The following KCNH5 variants were observed in gnomAD, a reference collection of about 807,000 sequenced individuals.
The protein encoded by KCNH5 is potassium voltage-gated channel subfamily H member 5.
KCNH5 carries 46 observed loss-of-function variants against 96.1 expected under a neutral mutation model. The observed-to-expected ratio is 0.48, with a 90% confidence interval of 0.38 to 0.61. The LOEUF (loss-of-function observed/expected upper bound fraction) is 0.61. KCNH5 is among the 20% of genes least tolerant of loss of function. The probability of loss-of-function intolerance (pLI) is 0.00; values close to 1 mark genes in which losing one functional copy is unlikely to be tolerated. For synonymous variants in KCNH5, 439 were observed against 449.8 expected (o/e 0.98, Z 0.30); for missense variants, 907 against 1,225.8 (o/e 0.74, Z 3.88).
intron 7 of KCNH5, among the ~76,000 whole-genome samples, chr14:62,914,952 T>A (rs1889245850): frequency 6.6e-6 from 1 of 152,232 alleles, no homozygotes; most frequent in Non-Finnish European, 1.5e-5. Context: ...GATTTTACGT[T>A]CCTTGAAGAA....
At chr14:63,040,006 T>C (rs1426546125) in intron 1 of KCNH5, among the ~76,000 whole-genome samples, 1 of 152,076 alleles carries the variant, frequency 6.6e-6, no homozygotes, top group African/African-American at 2.4e-5. Context: ...TACAGTACTT[T>C]GGTGAACAGC....
intron 1 of KCNH5, among the ~76,000 whole-genome samples, chr14:63,040,126 T>C (rs1891795043): frequency 6.6e-6 from 1 of 152,044 alleles, no homozygotes; most frequent in African/African-American, 2.4e-5. Context: ...CTGACTAAAC[T>C]AAAGGGCTTC....
intron 6 of KCNH5, among the ~76,000 whole-genome samples, chr14:62,956,121 A>G (rs1189264103): frequency 4.6e-5 from 7 of 152,242 alleles, no homozygotes; most frequent in East Asian, 1.9e-4. Flanking sequence ...CAGGCCTCCA[A>G]TGCCCGCAAT....
At chr14:62,949,796 ATC>A (rs1452782258) in intron 7 of KCNH5, 1 of 216,140 alleles carries the variant, frequency 4.6e-6, no homozygotes, top group Non-Finnish European at 9.0e-6. Context: ...ATCAGATCCT[ATC>A]TCTTTTTTTT....
chr14:63,003,750 G>T (rs1484366799), intron 3 of KCNH5, among the ~76,000 whole-genome samples: 1 of 138,380 alleles, frequency 7.2e-6, no homozygotes, highest in Non-Finnish European at 1.5e-5. Flanking sequence ...CTCCTGAGTA[G>T]CTGGGACTAC....
chr14:62,983,394 G>A (rs548416586), intron 5 of KCNH5, among the ~76,000 whole-genome samples: 3 of 151,314 alleles, frequency 2.0e-5, no homozygotes, highest in African/African-American at 7.3e-5. Context: ...AAAAAAAAGT[G>A]TGTATGTATA....
At chr14:63,012,727 A>G (rs1372515482) in intron 2 of KCNH5, among the ~76,000 whole-genome samples, 1 of 152,028 alleles carries the variant, frequency 6.6e-6, no homozygotes, top group Non-Finnish European at 1.5e-5. Context: ...CAACAATCAG[A>G]CATGATGAAT....
intron 10 of KCNH5, among the ~76,000 whole-genome samples, chr14:62,735,228 A>G (rs1333728911): frequency 6.6e-6 from 1 of 152,166 alleles, no homozygotes; most frequent in Non-Finnish European, 1.5e-5. Flanking sequence ...GATATAATCA[A>G]ACCAATGTTG....
chr14:62,708,791 AATACACACATAC>A (rs1418031508), intron 10 of KCNH5, among the ~76,000 whole-genome samples: 1 of 152,136 alleles, frequency 6.6e-6, no homozygotes, highest in Admixed American at 6.5e-5. Flanking sequence ...GTTAGTAGGA[AATACACACATAC>A]ATACACACAT....
At chr14:62,842,487 T>G (rs1234409613) in intron 8 of KCNH5, among the ~76,000 whole-genome samples, 1 of 152,276 alleles carries the variant, frequency 6.6e-6, no homozygotes, top group African/African-American at 2.4e-5. Context: ...TTAAGTTCTC[T>G]GATTACGTTT....
chr14:62,860,130 A>G (rs1215608704), intron 7 of KCNH5, among the ~76,000 whole-genome samples: 3 of 152,174 alleles, frequency 2.0e-5, no homozygotes, highest in African/African-American at 7.2e-5. Context: ...TTGATTACCC[A>G]TAGTCAAATG....
At chr14:62,838,347 T>C (rs1887506363) in intron 8 of KCNH5, among the ~76,000 whole-genome samples, 1 of 152,124 alleles carries the variant, frequency 6.6e-6, no homozygotes, top group African/African-American at 2.4e-5. Context: ...AATCCTTTGG[T>C]TTTCATGCTG....
At chr14:62,800,204 A>C (rs1886632541) in intron 9 of KCNH5, among the ~76,000 whole-genome samples, 1 of 152,112 alleles carries the variant, frequency 6.6e-6, no homozygotes, top group Non-Finnish European at 1.5e-5. Context: ...TTGACTCATT[A>C]AGCACAAGAT....
intron 10 of KCNH5, among the ~76,000 whole-genome samples, chr14:62,724,684 A>C (rs191677114): frequency 1.2e-3 from 180 of 152,332 alleles, no homozygotes; most frequent in Non-Finnish European, 2.0e-3. Flanking sequence ...CTAATTACCA[A>C]GGTTTGTGCT....
At chr14:62,951,597 G>T (rs528461359) in intron 6 of KCNH5, among the ~76,000 whole-genome samples, 6 of 152,310 alleles carry the variant, frequency 3.9e-5, no homozygotes, top group African/African-American at 1.4e-4. Context: ...GGAGGAATTT[G>T]TTGTTGCAGT....
intron 3 of KCNH5, among the ~76,000 whole-genome samples, chr14:63,003,065 A>G (rs1891040692): frequency 6.6e-6 from 1 of 152,184 alleles, no homozygotes; most frequent in African/African-American, 2.4e-5. Flanking sequence ...TAAAAAAATA[A>G]GTAATTTTCC....
intron 7 of KCNH5, among the ~76,000 whole-genome samples, chr14:62,921,181 G>C (rs773279724): frequency 6.6e-6 from 1 of 152,138 alleles, no homozygotes; most frequent in East Asian, 1.9e-4. Context: ...AGTCAAATGT[G>C]GTTCAGCATG....
chr14:62,704,237 T>A lies in KCNH5; in HGVS notation c.*3271A>T. ...CATAAAGTTGTTTGTAAAAAATACT[T>A]AGGACATTTTTAGTCCTATACTTAA... On this transcript the variant is annotated 3_prime_UTR_variant, in exon 11 of 11. Coordinates refer to ENST00000322893, the MANE Select transcript of KCNH5 (RefSeq NM_139318.5). 1.3e-5 allele frequency: 2 copies of A among 152,042 alleles called. No homozygotes were observed. The highest frequency in any genetic ancestry group is 4.1e-4 in the South Asian group (2 of 4,832). The allele number at this position is 152,042 out of a possible 1,614,324, so 9.4% of individuals were successfully genotyped here. A position where few individuals can be genotyped will look rare whatever the true frequency, so the allele number is the denominator to read the frequency against.
chr14:62,927,610 G>C (rs1889500552), intron 7 of KCNH5, among the ~76,000 whole-genome samples: 1 of 152,130 alleles, frequency 6.6e-6, no homozygotes, highest in Non-Finnish European at 1.5e-5. Context: ...AGGACACTAT[G>C]CTAAGTGAAA....
Sources: allele counts gnomAD v4.1 joint callset (sites outside exome capture counted in the v4.1 genomes callset), GRCh38; gene constraint gnomAD v4.1.1; transcripts MANE v1.5; gene names NCBI Gene and HGNC (gene_info 2026-07-23, HGNC 2026-07-21).